The following AGAP1 variants were observed in gnomAD, a reference collection of about 807,000 sequenced individuals.
The protein encoded by AGAP1 is arf-GAP with GTPase, ANK repeat and PH domain-containing protein 1.
In AGAP1, 29 loss-of-function variants were observed where a neutral mutation model predicts 105.3. The ratio of observed to expected loss-of-function variants is 0.28; its 90% CI spans 0.21 to 0.38. AGAP1 has a LOEUF of 0.38. AGAP1 is among the 10% of genes least tolerant of loss of function. The pLI, the probability that AGAP1 is intolerant of heterozygous loss-of-function variation, is 1.00. For missense variants in AGAP1, 998 were observed against 1,165.1 expected (o/e 0.86, Z 2.09); for synonymous variants, 509 against 485.9 (o/e 1.05, Z -0.63).
chr2:236,107,132 AT>A (rs2059518074), intron 16 of AGAP1, among the ~76,000 whole-genome samples: 1 of 113,520 alleles, frequency 8.8e-6, no homozygotes, highest in African/African-American at 3.4e-5. Flanking sequence ...CCGCCAGCGG[AT>A]TCTCCTGCGG....
intron 1 of AGAP1, among the ~76,000 whole-genome samples, chr2:235,532,595 C>T (rs1280058141): frequency 2.6e-5 from 4 of 152,264 alleles, no homozygotes; most frequent in Middle Eastern, 3.4e-3. Context: ...TCTTTGTCCT[C>T]GCCTTTTCAT....
In AGAP1 at chr2:235,678,560, C is replaced by A. The variant is rs114359422; in HGVS notation, c.164-30619C>A. ...AGGACGGGGGCTGTGTGTGTTGTTGCTGGTAGAATTGATGGACTTCAAGTC... is the reference window on the plus strand; with the variant it reads ...AGGACGGGGGCTGTGTGTGTTGTTGATGGTAGAATTGATGGACTTCAAGTC... On this transcript the variant is annotated intron_variant, in intron 1 of 17. Transcript: ENST00000304032. 3.4e-3 allele frequency among the ~76,000 whole-genome samples: 512 copies of A among 152,230 alleles called. 2 individuals are homozygous for A. The highest frequency in any genetic ancestry group is 0.01 in the African/African-American group (434 of 41,540).
intron 8 of AGAP1, among the ~76,000 whole-genome samples, chr2:235,804,634 TTC>T (rs1957748882): frequency 6.6e-6 from 1 of 152,220 alleles, no homozygotes; most frequent in South Asian, 2.1e-4. Flanking sequence ...CCTCCATGGC[TTC>T]TCTCACCACG....
At chr2:235,604,849 T>C (rs1945870750) in intron 1 of AGAP1, among the ~76,000 whole-genome samples, 1 of 151,962 alleles carries the variant, frequency 6.6e-6, no homozygotes, top group Admixed American at 6.6e-5. Flanking sequence ...CCCAAAGTGC[T>C]GGGATTACAG....
chr2:236,089,515 T>G lies in AGAP1; in HGVS notation c.2115-30677T>G, dbSNP rs1006093759. Among the ~76,000 whole-genome samples the G allele has an allele frequency of 6.6e-6, 1 of 152,226 alleles. No individual in the cohort carries two copies. The highest frequency in any genetic ancestry group is 1.5e-5 in the Non-Finnish European group (1 of 68,030). On this transcript the variant is annotated intron_variant, in intron 16 of 17. Coordinates refer to ENST00000304032, the MANE Select transcript of AGAP1 (RefSeq NM_001037131.3). This position sits in a 1 kb window ranked among gnomAD's most constrained non-coding sequence, Gnocchi z 5.6. ...AGGTGGCCTGATGGCCTGCGCCTGT[T>G]GCCGTTGATGAGACCCAAAGTCTGG...
In AGAP1 at chr2:236,032,713, G is replaced by GT. The variant is rs2057261970; in HGVS notation, c.1646-3847dup. Among the ~76,000 whole-genome samples the GT allele has an allele frequency of 2.0e-5, 3 of 152,188 alleles. No homozygotes were observed. The South Asian group carries it at 6.2e-4, about 32-fold the overall frequency. ...CTCAAGGATGGAGTGAGATCAGGAA[G>GT]TGAGTGCAGGAGGTCTGTAGAAGGG... On this transcript the variant is annotated intron_variant, in intron 13 of 17. Coordinates refer to ENST00000304032, the MANE Select transcript of AGAP1 (RefSeq NM_001037131.3).
intron 1 of AGAP1, among the ~76,000 whole-genome samples, chr2:235,645,051 A>G (rs1947328736): frequency 6.6e-6 from 1 of 152,156 alleles, no homozygotes; most frequent in Non-Finnish European, 1.5e-5. Flanking sequence ...GCCTGCCACC[A>G]TGCCCGGCTA....
At chr2:235,538,843 T>C (rs1262870542) in intron 1 of AGAP1, among the ~76,000 whole-genome samples, 1 of 152,180 alleles carries the variant, frequency 6.6e-6, no homozygotes, top group East Asian at 1.9e-4. Flanking sequence ...ACTATTACTT[T>C]ATTATGGCAT....
At position 235,855,574 on chromosome 2, in the gene AGAP1, C is replaced by T. The variant is rs1559567811; in HGVS notation, c.1051-27771C>T. ...AATTTCTGCTTTAAATATAGGGTAT[C>T]ATTCTTTCCTTTAGATTCGTTGCCC... On this transcript the variant is annotated intron_variant, in intron 9 of 17. Transcript: ENST00000304032. This position sits in a 1 kb window ranked among gnomAD's most constrained non-coding sequence, Gnocchi z 5.0. Among the ~76,000 whole-genome samples the T allele has an allele frequency of 6.6e-6, 1 of 152,108 alleles. No individual in the cohort carries two copies. The highest frequency in any genetic ancestry group is 1.5e-5 in the Non-Finnish European group (1 of 68,022).
chr2:236,074,005 CT>C (rs1292246311), intron 16 of AGAP1, among the ~76,000 whole-genome samples: 1 of 152,208 alleles, frequency 6.6e-6, no homozygotes, highest in African/African-American at 2.4e-5. Flanking sequence ...GATCTGCCCC[CT>C]GGGGACATTT....
chr2:235,898,236 G>A (rs557228993), intron 10 of AGAP1, among the ~76,000 whole-genome samples: 3 of 152,300 alleles, frequency 2.0e-5, no homozygotes, highest in African/African-American at 7.2e-5. Flanking sequence ...TTGCTGCAGG[G>A]TGCTACATGT....
rs939288922 is a variant in AGAP1, at chr2:235,867,346, G to C, written c.1051-15999G>C. On this transcript the variant is annotated intron_variant, in intron 9 of 17. Transcript: ENST00000304032. The surrounding 1 kb of genome is among the most constrained non-coding windows in gnomAD (Gnocchi z 5.4). Reference sequence around the variant, plus strand: ...CATTCCAACCAATGAACTTGACTGTGTTCCGATAAAACTTTATTTACAGAA... The same window carrying C: ...CATTCCAACCAATGAACTTGACTGTCTTCCGATAAAACTTTATTTACAGAA... Among the ~76,000 whole-genome samples, 3 of 152,280 alleles carry C rather than the reference G, an allele frequency of 2.0e-5. No homozygotes were observed. In the South Asian group the frequency reaches 6.2e-4, roughly 32 times the overall value.
At chr2:235,496,630 C>T (rs1381912010) in intron 1 of AGAP1, among the ~76,000 whole-genome samples, 1 of 152,210 alleles carries the variant, frequency 6.6e-6, no homozygotes, top group African/African-American at 2.4e-5. Context: ...AGACCTCTGG[C>T]TGAGTGGGGT....
At chr2:235,895,186 G>A (rs184818560) in intron 10 of AGAP1, among the ~76,000 whole-genome samples, 5 of 152,220 alleles carry the variant, frequency 3.3e-5, no homozygotes, top group South Asian at 4.2e-4. Context: ...GAAGAATAGC[G>A]GTTACTCCTA....
At chr2:235,918,285 AT>A (rs1198852997) in intron 11 of AGAP1, among the ~76,000 whole-genome samples, 5 of 152,282 alleles carry the variant, frequency 3.3e-5, no homozygotes, top group Admixed American at 2.6e-4. Flanking sequence ...GTCGAGAATT[AT>A]TTTTCTGAAA....
chr2:235,766,597 TGAG>T (rs1204541093), intron 6 of AGAP1, among the ~76,000 whole-genome samples: 13 of 152,220 alleles, frequency 8.5e-5, no homozygotes, highest in South Asian at 2.1e-4. Context: ...TTCATTGGAA[TGAG>T]GAGGAGAACA....
In AGAP1 at chr2:235,552,955, A is replaced by T. The variant is rs1045072275; in HGVS notation, c.163+58106A>T. Among the ~76,000 whole-genome samples the T allele has an allele frequency of 6.6e-6, 1 of 152,190 alleles. No individual in the cohort carries two copies. Among genetic ancestry groups the T allele is most frequent in the Non-Finnish European group, 1.5e-5 (1 of 68,028 alleles). On this transcript the variant is annotated intron_variant, in intron 1 of 17. Coordinates refer to ENST00000304032, the MANE Select transcript of AGAP1 (RefSeq NM_001037131.3). The surrounding 1 kb of genome is among the most constrained non-coding windows in gnomAD (Gnocchi z 5.9). ...CACACACATACATCCACACATGTGC[A>T]TCTGATTGTGTGTGTGACACAGTGA...
At chr2:235,529,794 C>T (rs544710589) in intron 1 of AGAP1, among the ~76,000 whole-genome samples, 4 of 152,162 alleles carry the variant, frequency 2.6e-5, no homozygotes, top group South Asian at 2.1e-4. Context: ...GGGCAGAAAT[C>T]GAGGCCCCAG....
At chr2:235,923,975 G>A (rs1024622698) in intron 11 of AGAP1, among the ~76,000 whole-genome samples, 4 of 151,288 alleles carry the variant, frequency 2.6e-5, no homozygotes, top group African/African-American at 7.3e-5. Flanking sequence ...GGACAGCCCC[G>A]AGCTTAGGAA....
Sources: allele counts gnomAD v4.1 joint callset (sites outside exome capture counted in the v4.1 genomes callset), GRCh38; gene constraint gnomAD v4.1.1; non-coding constraint Gnocchi (gnomAD v3.1); transcripts MANE v1.5; gene names NCBI Gene and HGNC (gene_info 2026-07-23, HGNC 2026-07-21).